Variants in ALG1L2 observed in about 807,000 individuals in gnomAD.
ALG1L2 encodes the protein ALG1 chitobiosyldiphosphodolichol beta-mannosyltransferase like 2.
In ALG1L2, 32 loss-of-function variants were observed where a neutral mutation model predicts 29.0. The ratio of observed to expected loss-of-function variants is 1.10; its 90% CI spans 0.83 to 1.48. The LOEUF (loss-of-function observed/expected upper bound fraction) is 1.48. ALG1L2 is among the 40% of genes most tolerant of loss of function. ALG1L2 has a pLI of 0.00. For missense variants in ALG1L2, 318 were observed against 274.1 expected (o/e 1.16, Z -1.13); for synonymous variants, 110 against 109.5 (o/e 1.00, Z -0.03).
rs768901412 is a variant in ALG1L2, at chr3:130,093,085, C to A, written c.254-16C>A. Reference sequence around the variant, plus strand: ...TCAGAAATTCCATGTAGAATTGTTTCTTTTTTTAAACACAGAGTTTGAACA... The same window carrying A: ...TCAGAAATTCCATGTAGAATTGTTTATTTTTTTAAACACAGAGTTTGAACA... On this transcript the variant is annotated splice_polypyrimidine_tract_variant and intron_variant, in intron 3 of 7. Transcript: ENST00000425059. The A allele has an allele frequency of 7.1e-6, 9 of 1,262,220 alleles. No individual in the cohort carries two copies. Among genetic ancestry groups the A allele is most frequent in the East Asian group, 3.3e-5 (1 of 30,194 alleles). 78.2% of individuals were successfully genotyped at this position (1,262,220 alleles called of 1,614,324 possible). A position where few individuals can be genotyped will look rare whatever the true frequency, so the allele number is the denominator to read the frequency against.
intron 3 of ALG1L2, among the ~76,000 whole-genome samples, chr3:130,092,514 T>C (rs1432611390): frequency 6.6e-6 from 1 of 152,008 alleles, no homozygotes; most frequent in Non-Finnish European, 1.5e-5. Context: ...GCTTGCCTGG[T>C]CTGCAGCATG....
chr3:130,097,417 A>G (rs972807653), intron 7 of ALG1L2, among the ~76,000 whole-genome samples, 167 bp downstream of exon 7: 2 of 152,162 alleles, frequency 1.3e-5, no homozygotes, highest in Non-Finnish European at 2.9e-5. Context: ...CTGCTGTCCC[A>G]TTTCGGTACA....
At chr3:130,090,019 G>C (rs1479389482) in intron 1 of ALG1L2, among the ~76,000 whole-genome samples, 2 of 152,288 alleles carry the variant, frequency 1.3e-5, no homozygotes, top group African/African-American at 4.8e-5. Flanking sequence ...TCCAGCCTGG[G>C]GGACAAAAGT....
At chr3:130,085,326 C>T (rs1209823865) in intron 1 of ALG1L2, among the ~76,000 whole-genome samples, 2 of 123,200 alleles carry the variant, frequency 1.6e-5, no homozygotes, top group African/African-American at 2.9e-5. Flanking sequence ...TGAACCTTGG[C>T]CTCAAGTGAT....
At chr3:130,092,481 T>A (rs1935039037) in intron 3 of ALG1L2, among the ~76,000 whole-genome samples, 1 of 152,210 alleles carries the variant, frequency 6.6e-6, no homozygotes, top group African/African-American at 2.4e-5. Context: ...TCTGGGCTCG[T>A]CGGGGCCACT....
At chr3:130,092,061 G>T (rs1364915440) in intron 2 of ALG1L2, 40 bp from the exon 3 acceptor site, 9 of 1,608,786 alleles carry the variant, frequency 5.6e-6, no homozygotes, top group African/African-American at 1.3e-5. Context: ...TCCTGGGCCT[G>T]CTCTGTGGCC....
intron 2 of ALG1L2, 127 bp from the exon 3 acceptor site, chr3:130,091,974 G>T: frequency 1.4e-6 from 2 of 1,473,802 alleles, no homozygotes; most frequent in East Asian, 4.9e-5. Context: ...GGGTGGCCTG[G>T]TGCTGCTGAT....
Position 130,098,386 on chromosome 3 carries a change from C to A in ALG1L2, c.*131C>A. 1.9e-6 allele frequency: 3 copies of A among 1,594,630 alleles called. No individual in the cohort carries two copies. The highest frequency in any genetic ancestry group is 2.5e-6 in the Non-Finnish European group (3 of 1,178,462). On this transcript the variant is annotated 3_prime_UTR_variant, in exon 8 of 8. Transcript: ENST00000425059. The stretch of plus-strand genomic sequence containing the variant: ...ATAACTCCTGGGCCAGAGGCTAAAA[C>A]CCCAGGGCCCCTGCTGTCCTTCCCG...
chr3:130,093,164 C>G lies in ALG1L2; in HGVS notation c.313+4C>G, dbSNP rs1935056981. 1.2e-6 allele frequency: 2 copies of G among 1,610,324 alleles called. No individual in the cohort carries two copies. The highest frequency in any genetic ancestry group is 2.7e-5 in the African/African-American group (2 of 74,544). ...TCTCTCGTCTGTGTGATAACAGGTACTGCCTGGGACCCTGGGTGTCTGTTT... is the reference window on the plus strand; with the variant it reads ...TCTCTCGTCTGTGTGATAACAGGTAGTGCCTGGGACCCTGGGTGTCTGTTT... On this transcript the variant is annotated splice_donor_region_variant and intron_variant, in intron 4 of 7. Transcript: ENST00000425059.
At chr3:130,091,710 T>A (rs1935017890) in intron 2 of ALG1L2, 2 of 549,790 alleles carry the variant, frequency 3.6e-6, no homozygotes, top group Non-Finnish European at 6.7e-6. Context: ...GCAGGATCTG[T>A]GGACCTGTGT....
At chr3:130,092,366 T>C in intron 3 of ALG1L2, 144 bp downstream of exon 3, 1 of 1,599,508 alleles carries the variant, frequency 6.3e-7, no homozygotes, top group Non-Finnish European at 8.5e-7. Flanking sequence ...GGAAGAGTGG[T>C]GTCTAGAAAC....
In ALG1L2 at chr3:130,092,097, T is replaced by C. The variant is rs776238755; in HGVS notation, c.132-4T>C. On this transcript the variant is annotated splice_region_variant and splice_polypyrimidine_tract_variant and intron_variant, in intron 2 of 7. Coordinates refer to ENST00000425059, the MANE Select transcript of ALG1L2 (RefSeq NM_001136152.1). ...TCTCACAGGGTTTTTTTCTGCTCCT[T>C]CAGCTCAGAACCTGAGGACCCAGAC... is the stretch of plus-strand genomic sequence containing the variant. 1.2e-6 allele frequency: 2 copies of C among 1,613,424 alleles called. No homozygotes were observed.
rs970799078 is a variant in ALG1L2 at position 130,092,215 on chromosome 3, C to A, written c.246C>A (p.Ser82Arg). 1.2e-6 allele frequency: 2 copies of A among 1,609,980 alleles called. No individual in the cohort carries two copies. Among genetic ancestry groups the A allele is most frequent in the Non-Finnish European group, 1.7e-6 (2 of 1,178,884 alleles). ...CAGCCCTGCTGGTCAGCAGCACAAG[C>A]TGGACAGGTCTGCATGACCACTGGG... ...ERPALLVSST[S>R]WTEFEQLTLD... is the part of the protein sequence containing the mutation. The change falls in exon 3 of 8, where the codon AGC (serine) becomes AGA (arginine). Residue 82 changes from serine to arginine, a missense_variant. By Grantham distance (110) the Ser-to-Arg change is moderately radical. Transcript: ENST00000425059.
intron 1 of ALG1L2, among the ~76,000 whole-genome samples, chr3:130,089,805 C>A (rs1335774239): frequency 2.0e-5 from 3 of 152,424 alleles, no homozygotes; most frequent in Non-Finnish European, 2.9e-5. Flanking sequence ...TTTTGGGAGG[C>A]CGAGGCAGGT....
chr3:130,092,068 G>T, intron 2 of ALG1L2, 33 bp from the exon 3 acceptor site: 3 of 1,610,802 alleles, frequency 1.9e-6, no homozygotes, highest in Non-Finnish European at 2.5e-6. Context: ...CCTGCTCTGT[G>T]GCCTCTCACA....
rs191156584 is a variant in ALG1L2, at chr3:130,093,158, C to G, written c.311C>G (p.Thr104Arg). 1 of 1,609,514 alleles carries G rather than the reference C, an allele frequency of 6.2e-7. No homozygotes were observed. Among genetic ancestry groups the G allele is most frequent in the Admixed American group, 1.7e-5 (1 of 59,838 alleles). Reference protein sequence around the residue: ...QNLPSLVCVITGKGPLREYYS... With the variant: ...QNLPSLVCVIRGKGPLREYYS... ...CTTCCTTCTCTCGTCTGTGTGATAA[C>G]AGGTACTGCCTGGGACCCTGGGTGT... The change falls in exon 4 of 8, where the codon ACA becomes AGA. Residue 104 changes from threonine to arginine, a missense_variant and splice_region_variant. Transcript: ENST00000425059.
At chr3:130,087,891 G>T (rs1483103670) in intron 1 of ALG1L2, among the ~76,000 whole-genome samples, 1 of 70,632 alleles carries the variant, frequency 1.4e-5, no homozygotes, top group East Asian at 3.2e-4. Context: ...TAGTCAGTTA[G>T]CTGGGGGTGA....
chr3:130,092,568 G>A (rs533643385), intron 3 of ALG1L2, among the ~76,000 whole-genome samples: 16 of 152,250 alleles, frequency 1.1e-4, no homozygotes, highest in African/African-American at 3.1e-4. Context: ...GGGACAGTAG[G>A]GGTGGTGGAG....
At chr3:130,084,976 T>TTTATTTATTTATTTATTTA (rs1181775147) in intron 1 of ALG1L2, among the ~76,000 whole-genome samples, 1,056 of 75,702 alleles carry the variant, frequency 0.014, 8 homozygotes, top group African/African-American at 0.04. Context: ...TTATTTATTT[T>TTTATTTATTTATTTATTTA]GAGACAGAAT....
Sources: allele counts gnomAD v4.1 joint callset (sites outside exome capture counted in the v4.1 genomes callset), GRCh38; gene constraint gnomAD v4.1.1; transcripts MANE v1.5; gene names NCBI Gene and HGNC (gene_info 2026-07-23, HGNC 2026-07-21).